Variants in TTLL5 observed in about 807,000 individuals in gnomAD.
TTLL5 encodes the protein tubulin tyrosine ligase like 5.
Under a neutral mutation model 168.4 loss-of-function variants are expected in TTLL5, and 132 were observed. The ratio of observed to expected loss-of-function variants is 0.78; its 90% CI spans 0.68 to 0.91. TTLL5 has a LOEUF of 0.91. Ranked by LOEUF, TTLL5 falls within the 40% of genes least tolerant of loss-of-function variation. The pLI is 0.00. For synonymous variants in TTLL5, 546 were observed against 558.6 expected (o/e 0.98, Z 0.32); for missense variants, 1,545 against 1,581.5 (o/e 0.98, Z 0.39).
intron 31 of TTLL5, 45 bp from the exon 32 acceptor site, chr14:75,954,379 A>G (rs2035052671): frequency 3.1e-6 from 5 of 1,609,244 alleles, no homozygotes; most frequent in African/African-American, 1.3e-5. Context: ...GTAAAACCCC[A>G]TGCTGTCATT....
At chr14:75,934,236 G>C (rs1421495593) in intron 31 of TTLL5, among the ~76,000 whole-genome samples, 1 of 152,204 alleles carries the variant, frequency 6.6e-6, no homozygotes, top group Non-Finnish European at 1.5e-5. Flanking sequence ...CACCCAAGGG[G>C]AGGCAATTAC....
intron 28 of TTLL5, among the ~76,000 whole-genome samples, chr14:75,829,004 CAAG>C (rs1402405589): frequency 2.6e-5 from 4 of 152,096 alleles, no homozygotes; most frequent in Non-Finnish European, 5.9e-5. Context: ...TCCCTGTCCT[CAAG>C]AAGGAAAATT....
intron 9 of TTLL5, among the ~76,000 whole-genome samples, chr14:75,712,824 T>C (rs1398581316): frequency 6.6e-6 from 1 of 152,118 alleles, no homozygotes; most frequent in Non-Finnish European, 1.5e-5. Context: ...GAAAAGGAAA[T>C]GTAACTTGTG....
intron 18 of TTLL5, among the ~76,000 whole-genome samples, chr14:75,760,553 C>T (rs1296367917): frequency 6.6e-6 from 1 of 151,882 alleles, no homozygotes; most frequent in African/African-American, 2.4e-5. Context: ...AAAGACTTAA[C>T]GTACTTGACC....
intron 17 of TTLL5, among the ~76,000 whole-genome samples, chr14:75,747,302 A>T (rs569175828): frequency 1.3e-5 from 2 of 151,736 alleles, no homozygotes; most frequent in South Asian, 2.1e-4. Flanking sequence ...TATGTTCATG[A>T]TTTCCTTTAC....
At chr14:75,763,255 CTGTGTGTGTG>C (rs60621403) in intron 18 of TTLL5, among the ~76,000 whole-genome samples, 1 of 58,596 alleles carries the variant, frequency 1.7e-5, no homozygotes, top group Non-Finnish European at 4.4e-5. Flanking sequence ...AGCTCTCTCT[CTGTGTGTGTG>C]TGTGTGTGTG....
intron 17 of TTLL5, among the ~76,000 whole-genome samples, chr14:75,749,864 G>A (rs1215256400): frequency 1.3e-5 from 2 of 151,962 alleles, no homozygotes; most frequent in Admixed American, 6.6e-5. Context: ...ATAAATATTA[G>A]GTGGGCTCCC....
chr14:75,849,938 C>CT (rs983258271), intron 28 of TTLL5, among the ~76,000 whole-genome samples: 1 of 151,918 alleles, frequency 6.6e-6, no homozygotes, highest in Admixed American at 6.6e-5. Context: ...CATCCTGTCT[C>CT]TAACAAAAAT....
chr14:75,892,944 A>C (rs925436569), intron 30 of TTLL5, among the ~76,000 whole-genome samples: 1 of 152,178 alleles, frequency 6.6e-6, no homozygotes, highest in African/African-American at 2.4e-5. Flanking sequence ...TCAGACACGG[A>C]GGAATGAGCA....
At chr14:75,819,272 G>T (rs536101836) in intron 27 of TTLL5, among the ~76,000 whole-genome samples, 1 of 152,270 alleles carries the variant, frequency 6.6e-6, no homozygotes, top group African/African-American at 2.4e-5. Context: ...TTTTAATAAG[G>T]TATTGCCAGT....
rs1334757367 is a variant in TTLL5, at chr14:75,929,543, C to T, written c.3824-24881C>T. Among the ~76,000 whole-genome samples, 3 of 146,908 alleles carry T rather than the reference C, an allele frequency of 2.0e-5. No individual in the cohort carries two copies. The South Asian group carries it at 6.4e-4, about 31-fold the overall frequency. ...CTTGGCTCACTGCAACCTCCGCTTC[C>T]GGGTTTCAAGCAATTCTCTCTGCCT... is the stretch of plus-strand genomic sequence containing the variant. On this transcript the variant is annotated intron_variant, in intron 31 of 31. Transcript: ENST00000298832.
chr14:75,759,528 C>T lies in TTLL5; in HGVS notation c.1551-5087C>T, dbSNP rs773729832. Among the ~76,000 whole-genome samples the T allele has an allele frequency of 5.3e-5, 8 of 152,020 alleles. No individual in the cohort carries two copies. In the East Asian group the frequency reaches 5.8e-4, roughly 11 times the overall value. ...AAGGGACACTTCCCAGTTCATCTTA[C>T]GATGCCAGCATGACTATGATTCCAA... is the stretch of plus-strand genomic sequence containing the variant. On this transcript the variant is annotated intron_variant, in intron 18 of 31. Transcript: ENST00000298832.
intron 28 of TTLL5, among the ~76,000 whole-genome samples, chr14:75,836,282 C>T (rs971192613): frequency 5.9e-5 from 9 of 151,986 alleles, no homozygotes; most frequent in Admixed American, 5.9e-4. Flanking sequence ...GTGAGATAAG[C>T]CAGGCACAGA....
intron 29 of TTLL5, among the ~76,000 whole-genome samples, chr14:75,879,920 T>TA (rs2031710477): frequency 6.6e-6 from 1 of 152,260 alleles, no homozygotes; most frequent in African/African-American, 2.4e-5. Flanking sequence ...ATTACCTGCT[T>TA]AAATGTTACT....
chr14:75,952,787 A>G (rs571135210), intron 31 of TTLL5, among the ~76,000 whole-genome samples: 1 of 152,228 alleles, frequency 6.6e-6, no homozygotes. Flanking sequence ...TTCCATTTAT[A>G]TGAAATGTCC....
At chr14:75,722,083 T>A (rs1177013639) in intron 12 of TTLL5, among the ~76,000 whole-genome samples, 2 of 152,190 alleles carry the variant, frequency 1.3e-5, no homozygotes, top group Non-Finnish European at 2.9e-5. Flanking sequence ...TCCCCTCATA[T>A]ACCTTATAAT....
intron 31 of TTLL5, among the ~76,000 whole-genome samples, chr14:75,909,521 C>G (rs984986910): frequency 6.6e-6 from 1 of 151,940 alleles, no homozygotes; most frequent in Non-Finnish European, 1.5e-5. Context: ...TGCAGTGACC[C>G]CCTCTCTGGG....
At chr14:75,772,893 C>T (rs1033542607) in intron 21 of TTLL5, among the ~76,000 whole-genome samples, 2 of 152,080 alleles carry the variant, frequency 1.3e-5, no homozygotes, top group Non-Finnish European at 2.9e-5. Flanking sequence ...TCTCAAGCTC[C>T]TGATCTCAGG....
chr14:75,675,827 A>T (rs1032989552), intron 3 of TTLL5, among the ~76,000 whole-genome samples: 7 of 152,194 alleles, frequency 4.6e-5, no homozygotes, highest in Admixed American at 4.6e-4. Context: ...AATAGGATAC[A>T]AGGAGACAGG....
Sources: gnomAD v4.1 joint callset for allele counts (sites outside exome capture counted in the v4.1 genomes callset) on GRCh38, gnomAD v4.1.1 for gene constraint, MANE v1.5 for transcripts, NCBI Gene and HGNC (gene_info 2026-07-23, HGNC 2026-07-21) for gene names.